PPM1E: variants seen among roughly 807,000 people sequenced by gnomAD.
PPM1E encodes the protein protein phosphatase, Mg2+/Mn2+ dependent 1E, also known as protein phosphatase 1E.
PPM1E carries 20 observed loss-of-function variants against 65.9 expected under a neutral mutation model. The ratio of observed to expected loss-of-function variants is 0.30; its 90% CI spans 0.21 to 0.44. The LOEUF (loss-of-function observed/expected upper bound fraction) is 0.44. Ranked by LOEUF, PPM1E falls within the 20% of genes least tolerant of loss-of-function variation. PPM1E has a pLI of 1.00. For missense variants in PPM1E, 713 were observed against 953.1 expected (o/e 0.75, Z 3.32); for synonymous variants, 352 against 374.9 (o/e 0.94, Z 0.70).
chr17:58,818,095 C>A (rs552989271), intron 1 of PPM1E, among the ~76,000 whole-genome samples: 1 of 152,118 alleles, frequency 6.6e-6, no homozygotes, highest in Non-Finnish European at 1.5e-5. Flanking sequence ...TTATGGGTAC[C>A]TTACTTGAAA....
chr17:58,940,858 A>C (rs2052056201), intron 1 of PPM1E, among the ~76,000 whole-genome samples: 1 of 152,146 alleles, frequency 6.6e-6, no homozygotes, highest in Admixed American at 6.5e-5. Flanking sequence ...TTACAGGTGT[A>C]TGCCACCATG....
intron 4 of PPM1E, among the ~76,000 whole-genome samples, chr17:58,971,333 C>A (rs1598696922): frequency 6.6e-6 from 1 of 152,064 alleles, no homozygotes; most frequent in African/African-American, 2.4e-5. Flanking sequence ...TACAAGAGAC[C>A]TTTTACCACC....
rs545553775 is a variant in PPM1E at position 58,807,832 on chromosome 17, C to T, written c.464+51371C>T. ...GAGATAAAGAGATGCAAATTATAAC[C>T]TCAATGAAATAAGCATTTACACATA... On this transcript the variant is annotated intron_variant, in intron 1 of 6. Transcript: ENST00000308249. 9.2e-5 allele frequency among the ~76,000 whole-genome samples: 14 copies of T among 152,226 alleles called. 1 individual carries two copies. Among genetic ancestry groups the T allele is most frequent in the Admixed American group, 7.2e-4 (11 of 15,286 alleles).
chr17:58,830,028 AG>A (rs1452245300), intron 1 of PPM1E, among the ~76,000 whole-genome samples: 3 of 152,202 alleles, frequency 2.0e-5, no homozygotes, highest in South Asian at 4.2e-4. Context: ...AAGAAAAATT[AG>A]CCAGGCATGG....
At chr17:58,924,401 T>G (rs986520663) in intron 1 of PPM1E, among the ~76,000 whole-genome samples, 1 of 151,952 alleles carries the variant, frequency 6.6e-6, no homozygotes. Flanking sequence ...AAATTAAAAA[T>G]TTAGCTGGGT....
chr17:58,954,496 A>G (rs1421919652), intron 1 of PPM1E, among the ~76,000 whole-genome samples: 6 of 152,108 alleles, frequency 3.9e-5, no homozygotes, highest in African/African-American at 1.4e-4. Flanking sequence ...TGTTCCTCTG[A>G]CTTTATTCTG....
intron 6 of PPM1E, among the ~76,000 whole-genome samples, chr17:58,974,188 AT>A (rs1230529627): frequency 2.0e-5 from 3 of 152,008 alleles, no homozygotes; most frequent in African/African-American, 7.3e-5. Context: ...TCAAATCAGT[AT>A]TTTTCAGAGA....
intron 1 of PPM1E, among the ~76,000 whole-genome samples, chr17:58,920,297 G>A (rs1204858617): frequency 6.6e-6 from 1 of 152,132 alleles, no homozygotes; most frequent in Non-Finnish European, 1.5e-5. Flanking sequence ...ATCCTCCAAT[G>A]CTCAGATATC....
intron 1 of PPM1E, among the ~76,000 whole-genome samples, chr17:58,802,454 A>G (rs2050267959): frequency 6.6e-6 from 1 of 152,126 alleles, no homozygotes; most frequent in South Asian, 2.1e-4. Context: ...ATAATTTGGA[A>G]TCAGGAAGTG....
In PPM1E at chr17:58,974,034, G is replaced by A. The variant is rs112448858; in HGVS notation, c.1210+1109G>A. On this transcript the variant is annotated intron_variant, in intron 6 of 6. Transcript: ENST00000308249. The stretch of plus-strand genomic sequence containing the variant: ...GTCCTAGTACACAGGAGGCTGAGGC[G>A]GAAGGATTGCTTGAGTCCAGGAGTT... Among the ~76,000 whole-genome samples the A allele has an allele frequency of 9.1e-3, 1,372 of 151,570 alleles. 25 individuals are homozygous for A. The highest frequency in any genetic ancestry group is 0.031 in the African/African-American group (1,268 of 41,278).
intron 2 of PPM1E, among the ~76,000 whole-genome samples, chr17:58,960,698 GGA>G (rs1238684235): frequency 6.6e-6 from 1 of 150,894 alleles, no homozygotes; most frequent in Non-Finnish European, 1.5e-5. Context: ...TTGAGGAGGC[GGA>G]GGTTCCAGTG....
chr17:58,892,419 T>G (rs760463645), intron 1 of PPM1E, among the ~76,000 whole-genome samples: 1 of 151,810 alleles, frequency 6.6e-6, no homozygotes, highest in African/African-American at 2.4e-5. Context: ...TACAAAAAAT[T>G]TAAAGTAGCT....
At chr17:58,958,243 C>A (rs746364504) in intron 2 of PPM1E, among the ~76,000 whole-genome samples, 11 of 151,186 alleles carry the variant, frequency 7.3e-5, no homozygotes, top group Non-Finnish European at 1.5e-4. Flanking sequence ...AAGGGTCTCC[C>A]TCTGTTACCC....
chr17:58,895,600 A>G (rs1483475757), intron 1 of PPM1E, among the ~76,000 whole-genome samples: 1 of 152,044 alleles, frequency 6.6e-6, no homozygotes, highest in African/African-American at 2.4e-5. Context: ...TGAGCCCAGG[A>G]GTTTGTGACC....
At chr17:58,809,259 A>T (rs1598584327) in intron 1 of PPM1E, among the ~76,000 whole-genome samples, 1 of 152,110 alleles carries the variant, frequency 6.6e-6, no homozygotes, top group South Asian at 2.1e-4. Context: ...CTAATTAAAA[A>T]AAATTTTTTT....
At chr17:58,921,468 G>A (rs2051749404) in intron 1 of PPM1E, among the ~76,000 whole-genome samples, 1 of 151,752 alleles carries the variant, frequency 6.6e-6, no homozygotes, top group Admixed American at 6.6e-5. Flanking sequence ...TGGATCACTT[G>A]ACCCCAGGAA....
chr17:58,982,766 T>A lies in PPM1E; in HGVS notation c.*1735T>A, dbSNP rs1567903484. The stretch of plus-strand genomic sequence containing the variant: ...TTCTTCTCACGTCTGTGACAAATGG[T>A]TGAAAAGGAGTCAACATGGCCCCAA... On this transcript the variant is annotated 3_prime_UTR_variant, in exon 7 of 7. Transcript: ENST00000308249. 2 of 614,388 alleles carry A rather than the reference T, an allele frequency of 3.3e-6. No individual in the cohort carries two copies. 38.1% of individuals were successfully genotyped at this position (614,388 alleles called of 1,614,324 possible).
At chr17:58,834,006 AT>A (rs2050629918) in intron 1 of PPM1E, among the ~76,000 whole-genome samples, 2 of 151,870 alleles carry the variant, frequency 1.3e-5, no homozygotes, top group Admixed American at 1.3e-4. Flanking sequence ...GATGTGGAGC[AT>A]TTTTTCGTGT....
chr17:58,888,598 T>C (rs2051309626), intron 1 of PPM1E, among the ~76,000 whole-genome samples: 1 of 151,978 alleles, frequency 6.6e-6, no homozygotes, highest in Non-Finnish European at 1.5e-5. Context: ...TCCTGACCTT[T>C]CTACTTGCCT....
Sources: allele counts gnomAD v4.1 joint callset (sites outside exome capture counted in the v4.1 genomes callset), GRCh38; gene constraint gnomAD v4.1.1; transcripts MANE v1.5; gene names NCBI Gene and HGNC (gene_info 2026-07-23, HGNC 2026-07-21).